The following PBX1 variants were observed in gnomAD, a reference collection of about 807,000 sequenced individuals.
PBX1 encodes the protein PBX homeobox 1, also known as pre-B-cell leukemia transcription factor 1.
PBX1 carries 6 observed loss-of-function variants against 53.4 expected under a neutral mutation model. The observed-to-expected ratio is 0.11, with a 90% CI of 0.06 to 0.22. The LOEUF is 0.22. Among genes scored for constraint, PBX1 ranks in the 10% least tolerant of loss-of-function variants. The pLI, the probability that PBX1 is intolerant of heterozygous loss-of-function variation, is 1.00. For synonymous variants in PBX1, 204 were observed against 212.3 expected, an observed-to-expected ratio of 0.96 and a Z score of 0.34; for missense variants, 251 against 551.4, an observed-to-expected ratio of 0.46 and a Z score of 5.46.
At chr1:164,573,339 A>T (rs1341084969) in intron 2 of PBX1, among the ~76,000 whole-genome samples, 1 of 152,140 alleles carries the variant, frequency 6.6e-6, no homozygotes, top group African/African-American at 2.4e-5. Flanking sequence ...ATGAATTTTA[A>T]TAATACATCT....
intron 2 of PBX1, among the ~76,000 whole-genome samples, chr1:164,689,646 C>A (rs185297014): frequency 6.6e-6 from 1 of 152,160 alleles, no homozygotes; most frequent in African/African-American, 2.4e-5. Context: ...GCACATTTAA[C>A]GTTAAATCAT....
chr1:164,591,892 C>T (rs1432624320), intron 2 of PBX1, among the ~76,000 whole-genome samples: 2 of 152,190 alleles, frequency 1.3e-5, no homozygotes, highest in African/African-American at 4.8e-5. Flanking sequence ...CCTGTAAAGG[C>T]ATTTGCAAAG....
At chr1:164,583,040 A>C (rs1161367114) in intron 2 of PBX1, among the ~76,000 whole-genome samples, 1 of 152,144 alleles carries the variant, frequency 6.6e-6, no homozygotes, top group Non-Finnish European at 1.5e-5. Flanking sequence ...AGTACTTGCT[A>C]CTCTTTACTC....
intron 2 of PBX1, among the ~76,000 whole-genome samples, chr1:164,648,795 T>G (rs889259256): frequency 6.6e-6 from 1 of 152,144 alleles, no homozygotes; most frequent in Non-Finnish European, 1.5e-5. Context: ...AGAGATTACC[T>G]TAGAGATTGA....
At chr1:164,798,310 TA>T (rs1204247984) in intron 3 of PBX1, among the ~76,000 whole-genome samples, 1 of 152,250 alleles carries the variant, frequency 6.6e-6, no homozygotes, top group Non-Finnish European at 1.5e-5. Flanking sequence ...TTTCTGCTGT[TA>T]ATAAGTTGGA....
intron 8 of PBX1, among the ~76,000 whole-genome samples, chr1:164,842,255 G>A (rs1044296840): frequency 3.3e-5 from 5 of 152,248 alleles, no homozygotes; most frequent in East Asian, 1.9e-4. Flanking sequence ...TCTGTGTCAC[G>A]TGTCCTGTCA....
intron 2 of PBX1, chr1:164,682,003 A>T (rs769755393): frequency 6.6e-6 from 1 of 152,222 alleles, no homozygotes; most frequent in Admixed American, 6.5e-5. Context: ...AAGCAATCAA[A>T]ATAGCACCTT....
chr1:164,768,286 A>G (rs1667175011), intron 2 of PBX1, among the ~76,000 whole-genome samples: 1 of 152,192 alleles, frequency 6.6e-6, no homozygotes, highest in South Asian at 2.1e-4. Context: ...TTGGGACTTA[A>G]GGCTTGAATT....
At chr1:164,645,348 C>T (rs942953137) in intron 2 of PBX1, among the ~76,000 whole-genome samples, 1 of 152,118 alleles carries the variant, frequency 6.6e-6, no homozygotes, top group Admixed American at 6.5e-5. Context: ...CATTTTTGCC[C>T]CCTTGCTCTC....
intron 2 of PBX1, among the ~76,000 whole-genome samples, chr1:164,745,907 T>C (rs1449769628): frequency 6.6e-6 from 1 of 152,216 alleles, no homozygotes; most frequent in Non-Finnish European, 1.5e-5. Context: ...ATTAAATCAT[T>C]GAGTCATGTG....
At chr1:164,753,364 A>G in intron 2 of PBX1, among the ~76,000 whole-genome samples, 1 of 152,264 alleles carries the variant, frequency 6.6e-6, no homozygotes, top group Non-Finnish European at 1.5e-5. Flanking sequence ...CTAATGCATC[A>G]TTAATTTCTC....
chr1:164,619,157 A>C (rs1457968832), intron 2 of PBX1, among the ~76,000 whole-genome samples: 2 of 152,134 alleles, frequency 1.3e-5, no homozygotes, highest in Non-Finnish European at 2.9e-5. Context: ...CCACACTGCC[A>C]GGCACACCCC....
chr1:164,774,094 G>A (rs1667527805), intron 2 of PBX1, among the ~76,000 whole-genome samples: 1 of 152,176 alleles, frequency 6.6e-6, no homozygotes, highest in Non-Finnish European at 1.5e-5. Flanking sequence ...ATGAGTTGTT[G>A]AATTGTTTTA....
intron 2 of PBX1, among the ~76,000 whole-genome samples, chr1:164,590,121 G>A (rs1405402828): frequency 6.6e-6 from 1 of 151,784 alleles, no homozygotes; most frequent in Non-Finnish European, 1.5e-5. Flanking sequence ...GCTGAGGTGG[G>A]AAGATTGCTG....
intron 2 of PBX1, among the ~76,000 whole-genome samples, chr1:164,723,363 T>C (rs1664511370): frequency 6.6e-6 from 1 of 152,122 alleles, no homozygotes; most frequent in Non-Finnish European, 1.5e-5. Flanking sequence ...CTGTCAGCAG[T>C]TGTGAACCCT....
chr1:164,743,427 T>C (rs948368647), intron 2 of PBX1, among the ~76,000 whole-genome samples: 2 of 152,210 alleles, frequency 1.3e-5, no homozygotes, highest in East Asian at 3.9e-4. Flanking sequence ...ACTTGAAATT[T>C]ACATTCTACT....
chr1:164,654,642 A>G (rs1660039971), intron 2 of PBX1, among the ~76,000 whole-genome samples: 1 of 152,212 alleles, frequency 6.6e-6, no homozygotes, highest in African/African-American at 2.4e-5. Flanking sequence ...ATGGTCTGAG[A>G]GTGGAGATTT....
intron 2 of PBX1, among the ~76,000 whole-genome samples, chr1:164,702,396 G>T (rs888152618): frequency 2.6e-5 from 4 of 152,100 alleles, no homozygotes; most frequent in Non-Finnish European, 5.9e-5. Context: ...AGCCTTATTT[G>T]CATTACCTCA....
intron 8 of PBX1, among the ~76,000 whole-genome samples, chr1:164,839,614 G>T (rs1422197408): frequency 2.0e-5 from 3 of 151,872 alleles, no homozygotes; most frequent in Non-Finnish European, 2.9e-5. Context: ...ACAGGCAAAG[G>T]CAAAAAAATC....
Sources: allele counts gnomAD v4.1 joint callset (sites outside exome capture counted in the v4.1 genomes callset), GRCh38; gene constraint gnomAD v4.1.1; transcripts MANE v1.5; gene names NCBI Gene and HGNC (gene_info 2026-07-23, HGNC 2026-07-21).